DLG2: variants seen among roughly 807,000 people sequenced by gnomAD.
DLG2 encodes disks large homolog 2.
In DLG2, 45 loss-of-function variants were observed where a neutral mutation model predicts 132.5. That is an observed-to-expected ratio of 0.34 (90% CI 0.27 to 0.44). The LOEUF is 0.44. DLG2 is among the 20% of genes least tolerant of loss of function. DLG2 has a pLI of 1.00. For missense variants in DLG2, 1,045 were observed against 1,196.9 expected (o/e 0.87, Z 1.87); for synonymous variants, 424 against 419.6 (o/e 1.01, Z -0.13).
intron 8 of DLG2, among the ~76,000 whole-genome samples, chr11:84,222,824 T>G (rs762762300): frequency 6.6e-6 from 1 of 152,176 alleles, no homozygotes; most frequent in Non-Finnish European, 1.5e-5. Flanking sequence ...TCCTATTAAT[T>G]GGAAAGATAC....
chr11:83,524,131 G>C (rs1282128540), intron 21 of DLG2, among the ~76,000 whole-genome samples: 1 of 152,120 alleles, frequency 6.6e-6, no homozygotes, highest in East Asian at 1.9e-4. Context: ...ATATTTCTTA[G>C]TACTTTACAT....
At chr11:84,596,045 A>G (rs987285279) in intron 6 of DLG2, among the ~76,000 whole-genome samples, 7 of 152,198 alleles carry the variant, frequency 4.6e-5, no homozygotes, top group Non-Finnish European at 8.8e-5. Context: ...ACATAGGAGA[A>G]AAAATATTTT....
At chr11:85,265,514 T>C (rs147776044) in intron 4 of DLG2, among the ~76,000 whole-genome samples, 1 of 152,310 alleles carries the variant, frequency 6.6e-6, no homozygotes, top group East Asian at 1.9e-4. Flanking sequence ...GACATACTGA[T>C]AGAGGCAGGA....
chr11:83,889,791 T>C (rs12792052), intron 15 of DLG2, among the ~76,000 whole-genome samples: 12,981 of 151,984 alleles, frequency 0.085, 769 homozygotes, highest in Non-Finnish European at 0.13. Context: ...AAAAAAACAG[T>C]GAGTTCATGT....
intron 27 of DLG2, chr11:83,461,589 C>G (rs569987664): frequency 1.3e-5 from 2 of 156,696 alleles, no homozygotes; most frequent in African/African-American, 4.8e-5. Context: ...GAGCTGGGGA[C>G]GGACGCCTCC....
intron 6 of DLG2, among the ~76,000 whole-genome samples, chr11:84,987,705 T>C (rs2056649945): frequency 6.6e-6 from 1 of 152,200 alleles, no homozygotes; most frequent in Non-Finnish European, 1.5e-5. Flanking sequence ...CTGGGATAAT[T>C]GGCAAGCCAC....
intron 7 of DLG2, among the ~76,000 whole-genome samples, chr11:84,453,977 A>G (rs1228964867): frequency 6.6e-6 from 1 of 151,578 alleles, no homozygotes; most frequent in Middle Eastern, 3.2e-3. Context: ...AGTCTTTGCA[A>G]AATTCTATTC....
At chr11:84,451,194 G>A (rs1401963021) in intron 7 of DLG2, among the ~76,000 whole-genome samples, 2 of 151,726 alleles carry the variant, frequency 1.3e-5, no homozygotes, top group Non-Finnish European at 3.0e-5. Context: ...ATAAATGTTT[G>A]TATTTCTTCC....
At chr11:83,633,821 A>G (rs1338382004) in intron 18 of DLG2, among the ~76,000 whole-genome samples, 3 of 151,812 alleles carry the variant, frequency 2.0e-5, no homozygotes, top group Non-Finnish European at 1.5e-5. Flanking sequence ...AATTGTGTCA[A>G]TGTGAATATC....
intron 6 of DLG2, among the ~76,000 whole-genome samples, chr11:84,918,368 G>A (rs978056153): frequency 6.6e-6 from 1 of 152,092 alleles, no homozygotes; most frequent in Admixed American, 6.5e-5. Context: ...GAGAGATAAA[G>A]CACTGGAGTT....
At chr11:83,536,069 G>T (rs1001482226) in intron 20 of DLG2, among the ~76,000 whole-genome samples, 1 of 152,166 alleles carries the variant, frequency 6.6e-6, no homozygotes, top group Admixed American at 6.5e-5. Context: ...TTTTGGAGCA[G>T]CTTCCACAGT....
chr11:84,903,176 T>C (rs1373717503), intron 6 of DLG2, among the ~76,000 whole-genome samples: 2 of 152,118 alleles, frequency 1.3e-5, no homozygotes, highest in Non-Finnish European at 2.9e-5. Flanking sequence ...CTATAAAACA[T>C]ACAAGAGAAT....
intron 19 of DLG2, among the ~76,000 whole-genome samples, chr11:83,548,886 T>C (rs1033362549): frequency 6.6e-6 from 1 of 152,158 alleles, no homozygotes; most frequent in Non-Finnish European, 1.5e-5. Context: ...TGAGTGGGAA[T>C]ATGTCTTATC....
intron 16 of DLG2, among the ~76,000 whole-genome samples, chr11:83,839,378 A>AT (rs1238696671): frequency 6.6e-6 from 1 of 152,156 alleles, no homozygotes; most frequent in Non-Finnish European, 1.5e-5. Flanking sequence ...CAAATGATTT[A>AT]TTTTTTCTAA....
intron 7 of DLG2, among the ~76,000 whole-genome samples, chr11:84,333,673 CAA>C (rs1176149882): frequency 1.3e-5 from 2 of 151,178 alleles, no homozygotes; most frequent in Non-Finnish European, 3.0e-5. Context: ...TGTCTCTGGC[CAA>C]AAAAAAGACA....
At chr11:84,379,155 A>G (rs530735465) in intron 7 of DLG2, among the ~76,000 whole-genome samples, 28 of 152,292 alleles carry the variant, frequency 1.8e-4, no homozygotes, top group African/African-American at 6.5e-4. Flanking sequence ...AAATCCAGCC[A>G]CAAAATTTTC....
intron 6 of DLG2, among the ~76,000 whole-genome samples, chr11:84,938,200 T>C (rs769773369): frequency 6.6e-6 from 1 of 152,174 alleles, no homozygotes; most frequent in Non-Finnish European, 1.5e-5. Context: ...GACCTTCTTA[T>C]GAATGGAGAT....
intron 7 of DLG2, among the ~76,000 whole-genome samples, chr11:84,378,594 A>G (rs2098738168): frequency 1.3e-5 from 2 of 151,888 alleles, no homozygotes; most frequent in African/African-American, 4.8e-5. Flanking sequence ...CTTTTTTAAG[A>G]TTTGGAACTC....
chr11:84,827,124 G>A (rs2078425728), intron 6 of DLG2, among the ~76,000 whole-genome samples: 1 of 151,734 alleles, frequency 6.6e-6, no homozygotes, highest in South Asian at 2.1e-4. Context: ...ATATATAGTT[G>A]AGGAAAATGG....
Sources: allele counts gnomAD v4.1 joint callset (sites outside exome capture counted in the v4.1 genomes callset), GRCh38; gene constraint gnomAD v4.1.1; transcripts MANE v1.5; gene names NCBI Gene and HGNC (gene_info 2026-07-23, HGNC 2026-07-21).